The following ADGRL3 variants were observed in gnomAD, a reference collection of about 807,000 sequenced individuals.
ADGRL3 encodes the protein calcium-independent alpha-latrotoxin receptor 3.
Under a neutral mutation model 153.5 loss-of-function variants are expected in ADGRL3, and 62 were observed. The observed-to-expected ratio is 0.40, with a 90% CI of 0.33 to 0.50. ADGRL3 has a LOEUF of 0.50. Among genes scored for constraint, ADGRL3 ranks in the 20% least tolerant of loss-of-function variants. ADGRL3 has a pLI of 0.47. For synonymous variants in ADGRL3, 710 were observed against 672.5 expected (o/e 1.06, Z -0.86); for missense variants, 1,641 against 1,859.4 (o/e 0.88, Z 2.16).
intron 24 of ADGRL3, among the ~76,000 whole-genome samples, chr4:62,041,088 G>T (rs556704117): frequency 6.6e-6 from 1 of 152,014 alleles, no homozygotes; most frequent in Admixed American, 6.6e-5. Flanking sequence ...ATTTTATTTT[G>T]ATTACTTTGG....
At chr4:61,679,904 G>A (rs1161108510) in intron 6 of ADGRL3, among the ~76,000 whole-genome samples, 1 of 151,914 alleles carries the variant, frequency 6.6e-6, no homozygotes, top group Admixed American at 6.6e-5. Flanking sequence ...AATGGCATGT[G>A]GTGAAAGAAA....
At chr4:61,302,887 T>G (rs192451098) in intron 1 of ADGRL3, among the ~76,000 whole-genome samples, 3 of 152,288 alleles carry the variant, frequency 2.0e-5, no homozygotes, top group African/African-American at 7.2e-5. Flanking sequence ...CAGGAATGGA[T>G]AAGAAAATAA....
chr4:61,552,744 T>C (rs372546473), intron 4 of ADGRL3, among the ~76,000 whole-genome samples: 31 of 152,258 alleles, frequency 2.0e-4, no homozygotes, highest in South Asian at 8.3e-4. Context: ...GCTGGACTTA[T>C]AGGCATGAAC....
At chr4:61,654,749 T>C (rs1470958018) in intron 5 of ADGRL3, among the ~76,000 whole-genome samples, 1 of 151,678 alleles carries the variant, frequency 6.6e-6, no homozygotes, top group Non-Finnish European at 1.5e-5. Flanking sequence ...ATACAAAAAT[T>C]AGCCGGGTGT....
chr4:61,276,253 C>G (rs2093452523), intron 1 of ADGRL3, among the ~76,000 whole-genome samples: 1 of 152,106 alleles, frequency 6.6e-6, no homozygotes, highest in South Asian at 2.1e-4. Flanking sequence ...CTAGTGCTTC[C>G]CTGACAAACC....
chr4:61,800,054 G>A (rs1331606752), intron 8 of ADGRL3, among the ~76,000 whole-genome samples: 2 of 152,136 alleles, frequency 1.3e-5, no homozygotes, highest in Non-Finnish European at 2.9e-5. Context: ...GCACGACACT[G>A]CCTTACCATT....
chr4:61,577,928 AT>A (rs2098899558), intron 4 of ADGRL3, among the ~76,000 whole-genome samples: 1 of 152,096 alleles, frequency 6.6e-6, no homozygotes, highest in Non-Finnish European at 1.5e-5. Flanking sequence ...AAAGATTCAT[AT>A]TAACTTTTAT....
chr4:61,927,734 C>T (rs973989244), intron 13 of ADGRL3, among the ~76,000 whole-genome samples: 17 of 152,162 alleles, frequency 1.1e-4, no homozygotes, highest in South Asian at 4.1e-4. Context: ...AATATCTAAA[C>T]GCATATTGCA....
chr4:61,456,375 C>CTA (rs558941032), intron 2 of ADGRL3, among the ~76,000 whole-genome samples: 21 of 110,160 alleles, frequency 1.9e-4, no homozygotes, highest in South Asian at 1.5e-3. Context: ...ATAGATATAT[C>CTA]TATATATATA....
intron 1 of ADGRL3, among the ~76,000 whole-genome samples, chr4:61,330,481 T>C (rs574371122): frequency 6.6e-6 from 1 of 152,306 alleles, no homozygotes; most frequent in African/African-American, 2.4e-5. Flanking sequence ...ACTGAAACTA[T>C]GCCTGCAGCT....
Position 61,847,698 on chromosome 4 carries a change from ATATATTATATATATAATATAAAATATAT to A in ADGRL3, c.1480+33815_1480+33842del, listed in dbSNP as rs1561350880. 3.6e-3 allele frequency among the ~76,000 whole-genome samples: 156 copies of A among 43,526 alleles called. 27 individuals are homozygous for A. Among genetic ancestry groups the A allele is most frequent in the Admixed American group, 7.9e-3 (19 of 2,406 alleles). 28.6% of individuals were successfully genotyped at this position (43,526 alleles called of 152,430 possible). A position where few individuals can be genotyped will look rare whatever the true frequency, so the allele number is the denominator to read the frequency against. On this transcript the variant is annotated intron_variant, in intron 9 of 26. Coordinates refer to ENST00000683033, the MANE Select transcript of ADGRL3 (RefSeq NM_001387552.1). ...AAATATATTATATATATAATATAAA[ATATATTATATATATAATATAAAATATAT>A]TATATATATAATACAAAATATATTA...
intron 1 of ADGRL3, among the ~76,000 whole-genome samples, chr4:61,210,343 G>T (rs377722222): frequency 1.3e-5 from 2 of 152,010 alleles, no homozygotes; most frequent in African/African-American, 4.8e-5. Context: ...TACGCATCCC[G>T]CAGAGGCAGA....
At chr4:61,490,174 A>G (rs961102665) in intron 2 of ADGRL3, among the ~76,000 whole-genome samples, 3 of 151,992 alleles carry the variant, frequency 2.0e-5, no homozygotes, top group African/African-American at 7.2e-5. Flanking sequence ...GATCTTAGCC[A>G]TTCTTCAAAT....
At chr4:61,819,814 A>G (rs1036347669) in intron 9 of ADGRL3, among the ~76,000 whole-genome samples, 1 of 152,096 alleles carries the variant, frequency 6.6e-6, no homozygotes, top group Admixed American at 6.6e-5. Flanking sequence ...TACTTTTTAT[A>G]ATAGTGATTG....
At chr4:62,007,425 CATATATATATAT>C (rs373551662) in intron 21 of ADGRL3, among the ~76,000 whole-genome samples, 1 of 99,396 alleles carries the variant, frequency 1.0e-5, no homozygotes, top group Non-Finnish European at 2.1e-5. Flanking sequence ...TATATATACA[CATATATATATAT>C]ATACACACAC....
At chr4:61,710,661 T>C (rs140782295) in intron 6 of ADGRL3, among the ~76,000 whole-genome samples, 2 of 152,286 alleles carry the variant, frequency 1.3e-5, no homozygotes, top group African/African-American at 2.4e-5. Flanking sequence ...TTTAAACACA[T>C]GTATTCAAAA....
At chr4:61,785,059 GAATA>G (rs2097261480) in intron 8 of ADGRL3, among the ~76,000 whole-genome samples, 1 of 152,092 alleles carries the variant, frequency 6.6e-6, no homozygotes, top group Admixed American at 6.6e-5. Flanking sequence ...GTAAATAAAT[GAATA>G]GATGGATAAA....
In ADGRL3 at chr4:61,889,163, T is replaced by C. The variant is rs1323307116; in HGVS notation, c.1481-3493T>C. On this transcript the variant is annotated intron_variant, in intron 9 of 26. Coordinates refer to ENST00000683033, the MANE Select transcript of ADGRL3 (RefSeq NM_001387552.1). ...ATACTAAAAGCTAAGGAATTAATCC[T>C]AACAACACATATTAGTGTATAACCC... Among the ~76,000 whole-genome samples the C allele has an allele frequency of 3.9e-5, 6 of 152,212 alleles. No individual in the cohort carries two copies. The East Asian group carries it at 1.2e-3, about 29-fold the overall frequency.
intron 25 of ADGRL3, among the ~76,000 whole-genome samples, chr4:62,064,669 TG>T (rs1437259924): frequency 6.6e-6 from 1 of 151,894 alleles, no homozygotes; most frequent in African/African-American, 2.4e-5. Context: ...AATCTTTGGT[TG>T]TTTTTTTTTT....
Sources: gnomAD v4.1 joint callset for allele counts (sites outside exome capture counted in the v4.1 genomes callset) on GRCh38, gnomAD v4.1.1 for gene constraint, MANE v1.5 for transcripts, NCBI Gene and HGNC (gene_info 2026-07-23, HGNC 2026-07-21) for gene names.